The following MORC3 variants were observed in gnomAD, a reference collection of about 807,000 sequenced individuals.
MORC3 encodes MORC family CW-type zinc finger 3.
Under a neutral mutation model 109.1 loss-of-function variants are expected in MORC3, and 31 were observed. The ratio of observed to expected loss-of-function variants is 0.28; its 90% CI spans 0.21 to 0.38. The LOEUF is 0.38. Among genes scored for constraint, MORC3 ranks in the 10% least tolerant of loss-of-function variants. The probability of loss-of-function intolerance (pLI) is 1.00; values close to 1 mark genes in which losing one functional copy is unlikely to be tolerated. For missense variants in MORC3, 867 were observed against 1,135.8 expected (o/e 0.76, Z 3.40); for synonymous variants, 395 against 380.7 (o/e 1.04, Z -0.44).
Position 36,359,865 on chromosome 21 carries a change from G to A in MORC3, c.1209-90G>A, listed in dbSNP as rs1376257547. On this transcript the variant is annotated intron_variant, in intron 10 of 16. Transcript: ENST00000400485. ...TTTTTAGGAAAGGAATTAAATAATGGCATCTTGTGGTAGAAATGATGTGGA... is the reference window on the plus strand; with the variant it reads ...TTTTTAGGAAAGGAATTAAATAATGACATCTTGTGGTAGAAATGATGTGGA... 13 of 1,523,312 alleles carry A rather than the reference G, an allele frequency of 8.5e-6. No homozygotes were observed. In the Admixed American group the frequency reaches 2.1e-4, roughly 25 times the overall value. 94.4% of individuals were successfully genotyped at this position (1,523,312 alleles called of 1,614,324 possible).
chr21:36,363,031 T>G (rs984599439), intron 13 of MORC3, among the ~76,000 whole-genome samples: 1 of 152,154 alleles, frequency 6.6e-6, no homozygotes, highest in Non-Finnish European at 1.5e-5. Flanking sequence ...CTGGCCTCTC[T>G]CTTCTGTCTT....
chr21:36,372,046 C>T (rs1406442130), intron 15 of MORC3, among the ~76,000 whole-genome samples: 2 of 152,108 alleles, frequency 1.3e-5, no homozygotes, highest in East Asian at 3.8e-4. Flanking sequence ...CTCCTGATCT[C>T]AGGTGATCTG....
At chr21:36,365,011 C>G (rs934174416) in intron 14 of MORC3, among the ~76,000 whole-genome samples, 2 of 138,726 alleles carry the variant, frequency 1.4e-5, no homozygotes, top group African/African-American at 5.4e-5. Context: ...GAGATCACGC[C>G]ACTGCACTCC....
chr21:36,325,735 T>A (rs952041335), intron 1 of MORC3, among the ~76,000 whole-genome samples: 17 of 152,188 alleles, frequency 1.1e-4, no homozygotes, highest in African/African-American at 3.9e-4. Context: ...CTGAAAGTAT[T>A]AAATGGAAAA....
chr21:36,333,654 G>C lies in MORC3; in HGVS notation c.48G>C (p.Pro16=). ...PRGIRLSALC[P]KFLHTNSTSH... The stretch of plus-strand genomic sequence containing the variant: ...CCTTTTGTTTGTTTCAGCTTTGCCC[G>C]AAGTTTTTACATACAAATTCTACTA... Residue 16 remains proline, a synonymous_variant, in exon 2 of 17, where the codon CCG becomes CCC. Coordinates refer to ENST00000400485, the MANE Select transcript of MORC3 (RefSeq NM_015358.3). 6.2e-7 allele frequency: 1 copy of C among 1,612,628 alleles called. No homozygotes were observed. Among genetic ancestry groups the C allele is most frequent in the Non-Finnish European group, 8.5e-7 (1 of 1,179,012 alleles).
rs536208049 is a variant in MORC3 at position 36,341,467 on chromosome 21, A to G, written c.677A>G (p.Asp226Gly). 1.9e-6 allele frequency: 3 copies of G among 1,613,984 alleles called. No individual in the cohort carries two copies. Among genetic ancestry groups the G allele is most frequent in the Non-Finnish European group, 2.5e-6 (3 of 1,179,974 alleles). Residue 226 changes from aspartate to glycine, a missense_variant, in exon 6 of 17, where the codon GAT becomes GGT. By Grantham distance (94) the Asp-to-Gly change is moderately conservative. Coordinates refer to ENST00000400485, the MANE Select transcript of MORC3 (RefSeq NM_015358.3). ...KYDIRIPEDL[D>G]EITGKKGYKK... ...GATATCAGAATTCCCGAGGATTTAG[A>G]TGAGATAACAGGGAAGAAGGGGTAC...
chr21:36,348,886 G>A (rs933144092), intron 8 of MORC3, among the ~76,000 whole-genome samples: 2 of 152,038 alleles, frequency 1.3e-5, no homozygotes, highest in Non-Finnish European at 2.9e-5. Flanking sequence ...TTGGCCGGAC[G>A]CGGTGGCTCA....
At chr21:36,337,988 A>G (rs1046894945) in intron 4 of MORC3, 42 bp downstream of exon 4, 5 of 1,590,504 alleles carry the variant, frequency 3.1e-6, no homozygotes, top group Middle Eastern at 1.7e-4. Context: ...GAGAAACTGA[A>G]GAAATAATTT....
chr21:36,332,897 C>T (rs1601512866), intron 1 of MORC3, among the ~76,000 whole-genome samples: 3 of 151,192 alleles, frequency 2.0e-5, no homozygotes, highest in South Asian at 2.1e-4. Flanking sequence ...ATGCCATTCT[C>T]CTGCCTCAGC....
chr21:36,344,752 A>C, intron 7 of MORC3, 45 bp downstream of exon 7: 1 of 1,606,308 alleles, frequency 6.2e-7, no homozygotes, highest in African/African-American at 1.3e-5. Flanking sequence ...AGTCAGGTGT[A>C]TTCTCTTTTG....
At chr21:36,350,594 A>G (rs1376365715) in intron 9 of MORC3, among the ~76,000 whole-genome samples, 1 of 152,002 alleles carries the variant, frequency 6.6e-6, no homozygotes, top group Non-Finnish European at 1.5e-5. Context: ...AATAAAGTCT[A>G]TAAGCATTTG....
intron 16 of MORC3, among the ~76,000 whole-genome samples, chr21:36,373,450 C>G (rs2085892946): frequency 6.6e-6 from 1 of 151,798 alleles, no homozygotes; most frequent in Non-Finnish European, 1.5e-5. Flanking sequence ...ATGGTGAAAC[C>G]CCGTCTCTAC....
rs1405623075 is a variant in MORC3 at position 36,338,857 on chromosome 21, C to T, written c.544C>T (p.Leu182=). The change falls in exon 5 of 17, where the codon CTG becomes TTG. Residue 182 remains leucine, a synonymous_variant. Transcript: ENST00000400485. ...TCTGTTTTCCACGGAACAGAAGTTA[C>T]TGGCAGAACTTGATGCTATTATAGG... ...HSLFSTEQKL[L]AELDAIIGKK... is the part of the protein sequence containing the mutation. The T allele has an allele frequency of 2.5e-6, 4 of 1,613,998 alleles. No homozygotes were observed. In the East Asian group the frequency reaches 6.7e-5, roughly 27 times the overall value.
chr21:36,357,533 A>AGCCACCGTGCCCAGCTTGTTCAT (rs1199735110), intron 10 of MORC3, among the ~76,000 whole-genome samples: 1 of 151,948 alleles, frequency 6.6e-6, no homozygotes, highest in African/African-American at 2.4e-5. Context: ...TATAGGCATG[A>AGCCACCGTGCCCAGCTTGTTCAT]GCCACCGTGC....
At chr21:36,346,886 G>T (rs965874331) in intron 8 of MORC3, among the ~76,000 whole-genome samples, 2 of 151,568 alleles carry the variant, frequency 1.3e-5, no homozygotes, top group African/African-American at 4.8e-5. Context: ...CGTCCTTGTA[G>T]TCTTAGTTAT....
At chr21:36,320,794 T>G (rs2085184772) in intron 1 of MORC3, 1 of 156,344 alleles carries the variant, frequency 6.4e-6, no homozygotes, top group Non-Finnish European at 1.4e-5. Context: ...CTGATGCCTG[T>G]CAGTGCCTGC....
intron 9 of MORC3, among the ~76,000 whole-genome samples, chr21:36,354,593 G>A (rs950513722): frequency 1.3e-5 from 2 of 152,086 alleles, no homozygotes; most frequent in East Asian, 3.9e-4. Context: ...GTGAGCCACC[G>A]TGCCCAGTGC....
Position 36,336,887 on chromosome 21 carries a change from T to G in MORC3, c.126T>G (p.Asp42Glu). Reference sequence around the variant, plus strand: ...TGTGTTTCCCAGATAATGCTTATGATCCTGATGTGAACGCTAAACAAATAT... The same window carrying G: ...TGTGTTTCCCAGATAATGCTTATGAGCCTGATGTGAACGCTAAACAAATAT... ...AVAELIDNAYDPDVNAKQIWI... is the reference protein window; with the variant it reads ...AVAELIDNAYEPDVNAKQIWI... Residue 42 changes from aspartate to glutamate, a missense_variant, in exon 3 of 17, where the codon GAT becomes GAG. This residue lies in a region of MORC3 where 53 missense variants were observed against 130.3 expected (regional missense o/e 0.41). Transcript: ENST00000400485. The G allele has an allele frequency of 6.2e-7, 1 of 1,609,918 alleles. No homozygotes were observed. Among genetic ancestry groups the G allele is most frequent in the Non-Finnish European group, 8.5e-7 (1 of 1,178,526 alleles).
chr21:36,360,160 T>A, intron 11 of MORC3, 24 bp from the exon 12 acceptor site: 1 of 1,614,042 alleles, frequency 6.2e-7, no homozygotes, highest in African/African-American at 1.3e-5. Context: ...TGACATGTTA[T>A]TCCTATGTGA....
Sources: gnomAD v4.1 joint callset for allele counts (sites outside exome capture counted in the v4.1 genomes callset) on GRCh38, gnomAD v4.1.1 for gene constraint, gnomAD v4.1.1 regional missense constraint, MANE v1.5 for transcripts, NCBI Gene and HGNC (gene_info 2026-07-23, HGNC 2026-07-21) for gene names.